Variants in TTC6 observed in about 807,000 individuals in gnomAD.
TTC6 encodes tetratricopeptide repeat domain 6, also known as tetratricopeptide repeat protein 6.
In TTC6, 172 loss-of-function variants were observed where a neutral mutation model predicts 210.4. The ratio of observed to expected loss-of-function variants is 0.82; its 90% CI spans 0.72 to 0.93. The LOEUF (loss-of-function observed/expected upper bound fraction) is 0.93. TTC6 is among the 40% of genes least tolerant of loss of function. TTC6 has a pLI of 0.00. For missense variants in TTC6, 2,414 were observed against 2,318.1 expected, an observed-to-expected ratio of 1.04 and a Z score of -0.85; for synonymous variants, 804 against 819.6, an observed-to-expected ratio of 0.98 and a Z score of 0.32.
chr14:37,687,590 A>G (rs528119431), intron 3 of TTC6, among the ~76,000 whole-genome samples: 65 of 152,226 alleles, frequency 4.3e-4, no homozygotes, highest in African/African-American at 1.5e-3. Flanking sequence ...TTGCTTTAGA[A>G]GAGGAGATGG....
chr14:37,685,884 A>G (rs993770675), intron 3 of TTC6, among the ~76,000 whole-genome samples: 5 of 152,134 alleles, frequency 3.3e-5, no homozygotes, highest in Admixed American at 1.3e-4. Context: ...GATTTCTGCA[A>G]TCTATGCATT....
At chr14:37,617,257 G>A (rs1408009515), upstream of TTC6, among the ~76,000 whole-genome samples, 3 of 152,130 alleles carry the variant, frequency 2.0e-5, no homozygotes, top group East Asian at 1.9e-4. Context: ...GAAGAAAAAC[G>A]CAGGGGAGTA....
chr14:37,800,568 A>G (rs531535821), intron 20 of TTC6, among the ~76,000 whole-genome samples: 49 of 152,308 alleles, frequency 3.2e-4, no homozygotes, highest in Admixed American at 7.2e-4. Context: ...AGGGCAGAGT[A>G]TTCAGTCACA....
At chr14:37,614,259 G>C (rs988798200) in intron 2 of TTC6, among the ~76,000 whole-genome samples, 2 of 151,766 alleles carry the variant, frequency 1.3e-5, no homozygotes, top group African/African-American at 2.4e-5. Context: ...CTTTAAAAAT[G>C]GTTTCTCCAG....
At chr14:37,758,166 T>C (rs61977122) in intron 14 of TTC6, among the ~76,000 whole-genome samples, 35,198 of 152,078 alleles carry the variant, frequency 0.23, 4,907 homozygotes, top group Non-Finnish European at 0.3. Context: ...GTTGATTTGG[T>C]GTGGAGAGTT....
chr14:37,759,293 G>T lies in TTC6; in HGVS notation c.3266+6058G>T, dbSNP rs2095977157. Among the ~76,000 whole-genome samples, 3 of 151,456 alleles carry T rather than the reference G, an allele frequency of 2.0e-5. No homozygotes were observed. In the South Asian group the frequency reaches 6.3e-4, roughly 32 times the overall value. On this transcript the variant is annotated intron_variant, in intron 14 of 30. Transcript: ENST00000553443. ...AAAAAAAAGAAAAAAAGAAAAAAAA[G>T]AAAGTTCTTTTCTTTAAGAATGTTG... is the stretch of plus-strand genomic sequence containing the variant.
At chr14:37,670,954 G>A (rs1017470167) in intron 1 of TTC6, among the ~76,000 whole-genome samples, 2 of 152,140 alleles carry the variant, frequency 1.3e-5, no homozygotes, top group African/African-American at 2.4e-5. Flanking sequence ...GAGTTTTAGA[G>A]CCTTTTTAAA....
chr14:37,709,198 C>T (rs1398370071), intron 5 of TTC6, among the ~76,000 whole-genome samples: 1 of 151,904 alleles, frequency 6.6e-6, no homozygotes, highest in African/African-American at 2.4e-5. Flanking sequence ...GACCTAAGAA[C>T]GTAAGAATCA....
chr14:37,611,991 G>GT (rs11385549), intron 2 of TTC6, among the ~76,000 whole-genome samples: 45,822 of 148,758 alleles, frequency 0.31, 7,029 homozygotes, highest in Non-Finnish European at 0.34. Context: ...GAGATCAATA[G>GT]TTTTTTTTTT....
At chr14:37,700,643 T>G (rs936959726) in intron 4 of TTC6, among the ~76,000 whole-genome samples, 2 of 146,296 alleles carry the variant, frequency 1.4e-5, no homozygotes, top group Non-Finnish European at 3.0e-5. Context: ...CTCAGGAGGC[T>G]GAGGCAGGAG....
At chr14:37,655,073 T>C (rs2095719504) in intron 1 of TTC6, among the ~76,000 whole-genome samples, 1 of 152,250 alleles carries the variant, frequency 6.6e-6, no homozygotes, top group African/African-American at 2.4e-5. Context: ...ATGTGCATTA[T>C]AGTTACTGCC....
chr14:37,637,133 A>C (rs2095682480), intron 1 of TTC6, among the ~76,000 whole-genome samples: 1 of 150,968 alleles, frequency 6.6e-6, no homozygotes, highest in South Asian at 2.1e-4. Context: ...AGAACGAAAA[A>C]CAAAAACCAA....
chr14:37,752,145 A>C (rs1003750517), intron 13 of TTC6, among the ~76,000 whole-genome samples: 1 of 152,022 alleles, frequency 6.6e-6, no homozygotes, highest in African/African-American at 2.4e-5. Flanking sequence ...CTTTTAACTG[A>C]ACCGTAGTCA....
At chr14:37,696,763 G>T (rs551122113) in exon 4 of TTC6, 1 of 1,465,992 alleles carries the variant, frequency 6.8e-7, no homozygotes, top group Non-Finnish European at 9.0e-7. Context: ...GAAATTAAGC[G>T]AATGCGGAAA....
chr14:37,658,570 T>C (rs1391406334), intron 1 of TTC6, among the ~76,000 whole-genome samples: 1 of 152,172 alleles, frequency 6.6e-6, no homozygotes, highest in Non-Finnish European at 1.5e-5. Context: ...AGTGGAGACT[T>C]GGCAGGGTGA....
chr14:37,683,067 G>A (rs2095787454), intron 3 of TTC6, 103 bp downstream of exon 5: 1 of 1,005,178 alleles, frequency 9.9e-7, no homozygotes, highest in Non-Finnish European at 1.5e-6. Context: ...GGGGCTGGGG[G>A]CGGGGGTGAT....
rs1009004560 is a variant in TTC6, at chr14:37,655,733, G to A, written c.940-24418G>A. Among the ~76,000 whole-genome samples, 4 of 152,280 alleles carry A rather than the reference G, an allele frequency of 2.6e-5. No homozygotes were observed. In the East Asian group the frequency reaches 7.7e-4, roughly 29 times the overall value. ...TTCCCAAGAAATACGATGACATTCA[G>A]GAACAATTATTTGATACCACTACCC... On this transcript the variant is annotated intron_variant, in intron 1 of 30. Coordinates refer to ENST00000553443, the Ensembl canonical transcript of TTC6.
intron 29 of TTC6, among the ~76,000 whole-genome samples, chr14:37,832,842 G>A (rs112172181): frequency 6.6e-6 from 1 of 152,006 alleles, no homozygotes; most frequent in African/African-American, 2.4e-5. Flanking sequence ...GGCAGATCAC[G>A]AGGTCAAGAG....
chr14:37,792,718 C>T (rs2096082908), intron 17 of TTC6, among the ~76,000 whole-genome samples: 1 of 149,756 alleles, frequency 6.7e-6, no homozygotes, highest in Non-Finnish European at 1.5e-5. Flanking sequence ...AAACTATTAT[C>T]TATAATTTTA....
Sources: gnomAD v4.1 joint callset for allele counts (sites outside exome capture counted in the v4.1 genomes callset) on GRCh38, gnomAD v4.1.1 for gene constraint, MANE v1.5 for transcripts, NCBI Gene and HGNC (gene_info 2026-07-23, HGNC 2026-07-21) for gene names.